Variants in NPTN observed in about 807,000 individuals in gnomAD.
NPTN encodes neuroplastin, also known as SDR-1.
NPTN carries 5 observed loss-of-function variants against 42.7 expected under a neutral mutation model. The observed-to-expected ratio is 0.12, with a 90% CI of 0.06 to 0.25. NPTN has a LOEUF of 0.25. Among genes scored for constraint, NPTN ranks in the 10% least tolerant of loss-of-function variants. The pLI, the probability that NPTN is intolerant of heterozygous loss-of-function variation, is 1.00. For missense variants in NPTN, 307 were observed against 525.4 expected (o/e 0.58, Z 4.06); for synonymous variants, 180 against 201.9 (o/e 0.89, Z 0.92).
At chr15:73,584,897 C>T (rs1896242253) in intron 4 of NPTN, among the ~76,000 whole-genome samples, 1 of 151,920 alleles carries the variant, frequency 6.6e-6, no homozygotes, top group African/African-American at 2.4e-5. Context: ...GGTTAAAAAA[C>T]ATGATCATCT....
intron 1 of NPTN, among the ~76,000 whole-genome samples, chr15:73,625,580 C>T (rs973806459): frequency 3.3e-5 from 5 of 152,106 alleles, no homozygotes; most frequent in Admixed American, 1.3e-4. Flanking sequence ...ATCCGCCCAC[C>T]GCAGCCTCCC....
intron 6 of NPTN, among the ~76,000 whole-genome samples, chr15:73,565,213 C>CA (rs1476516037): frequency 6.6e-6 from 1 of 152,176 alleles, no homozygotes; most frequent in Non-Finnish European, 1.5e-5. Context: ...CTCCCCAAAT[C>CA]CACTTTCACA....
At position 73,590,172 on chromosome 15, in the gene NPTN, G is replaced by A. The variant is rs186242779; in HGVS notation, c.611+1794C>T. Among the ~76,000 whole-genome samples the A allele has an allele frequency of 8.5e-5, 13 of 152,144 alleles. No homozygotes were observed. The East Asian group carries it at 1.2e-3, about 14-fold the overall frequency. ...GAAGAAATTAAAGCAAAGGGAAAACGTTCCCTACAGGCTGGGCAGAAGCAG... is the reference window on the plus strand; with the variant it reads ...GAAGAAATTAAAGCAAAGGGAAAACATTCCCTACAGGCTGGGCAGAAGCAG... On this transcript the variant is annotated intron_variant, in intron 3 of 8. Transcript: ENST00000345330.
chr15:73,565,948 A>G (rs1443240295), intron 6 of NPTN, among the ~76,000 whole-genome samples: 1 of 152,224 alleles, frequency 6.6e-6, no homozygotes, highest in Non-Finnish European at 1.5e-5. Flanking sequence ...TTAAAGTCCG[A>G]ATAATGAAGA....
intron 4 of NPTN, among the ~76,000 whole-genome samples, chr15:73,576,717 G>A (rs908892010): frequency 6.6e-6 from 1 of 152,152 alleles, no homozygotes; most frequent in Non-Finnish European, 1.5e-5. Context: ...AAGTATTTGA[G>A]GGTACAAACC....
At position 73,570,266 on chromosome 15, in the gene NPTN, A is replaced by C; in HGVS notation, c.998T>G (p.Val333Gly). 2.5e-6 allele frequency: 4 copies of C among 1,614,222 alleles called. No individual in the cohort carries two copies. Among genetic ancestry groups the C allele is most frequent in the Non-Finnish European group, 3.4e-6 (4 of 1,180,036 alleles). Residue 333 changes from valine to glycine, a missense_variant, in exon 6 of 9, where the codon GTG becomes GGG. Val to Gly is a moderately radical substitution (Grantham distance 109). Coordinates refer to ENST00000345330, the MANE Select transcript of NPTN (RefSeq NM_012428.4). The surrounding 1 kb of genome is among the most constrained non-coding windows in gnomAD (Gnocchi z 4.0). ...CCAGAGTGGGGCCAGGTGGCTCCGCACCCTGAGGACAGTGACAACAGAGGC... is the reference window on the plus strand; with the variant it reads ...CCAGAGTGGGGCCAGGTGGCTCCGCCCCCTGAGGACAGTGACAACAGAGGC... ...GSASVVTVLR[V>G]RSHLAPLWPF...
chr15:73,573,983 C>G (rs977752963), intron 4 of NPTN, among the ~76,000 whole-genome samples, 188 bp from the exon 5 acceptor site: 1 of 152,232 alleles, frequency 6.6e-6, no homozygotes, highest in Non-Finnish European at 1.5e-5. Flanking sequence ...CTCTACCCCC[C>G]ACCCGCTAAA....
At position 73,622,061 on chromosome 15, in the gene NPTN, G is replaced by A. The variant is rs369885041; in HGVS notation, c.91+11064C>T. Among the ~76,000 whole-genome samples, 4 of 152,210 alleles carry A rather than the reference G, an allele frequency of 2.6e-5. No homozygotes were observed. In the East Asian group the frequency reaches 7.7e-4, roughly 29 times the overall value. On this transcript the variant is annotated intron_variant, in intron 1 of 8. Transcript: ENST00000345330. ...CATCCCATAGGAGACTGAGGCAGGA[G>A]AATCACTCGAACCCGGGAGATGGAG...
At chr15:73,621,083 A>C (rs1898118271) in intron 1 of NPTN, among the ~76,000 whole-genome samples, 1 of 152,198 alleles carries the variant, frequency 6.6e-6, no homozygotes, top group South Asian at 2.1e-4. Flanking sequence ...AATTTGCTAT[A>C]AAAAGTTAAC....
intron 1 of NPTN, chr15:73,599,643 A>AGG: frequency 2.8e-5 from 4 of 142,890 alleles, no homozygotes; most frequent in Non-Finnish European, 4.5e-5. Context: ...GAAAGAAAGA[A>AGG]AAGGAAGGGA....
chr15:73,592,218 A>C, intron 2 of NPTN, 81 bp from the exon 3 acceptor site: 1 of 1,230,360 alleles, frequency 8.1e-7, no homozygotes, highest in South Asian at 1.7e-5. Context: ...ACGGGGTAGG[A>C]GGGGGAAACT....
chr15:73,576,124 C>T (rs1455435972), intron 4 of NPTN, among the ~76,000 whole-genome samples: 1 of 152,146 alleles, frequency 6.6e-6, no homozygotes, highest in Non-Finnish European at 1.5e-5. Flanking sequence ...CATAGCCACA[C>T]AGGACCCAGC....
chr15:73,600,472 C>T (rs1457539765), intron 1 of NPTN, among the ~76,000 whole-genome samples: 1 of 152,042 alleles, frequency 6.6e-6, no homozygotes, highest in Non-Finnish European at 1.5e-5. Context: ...ATGATAAGTG[C>T]CATTATAATT....
At chr15:73,611,243 T>G (rs375366372) in intron 1 of NPTN, among the ~76,000 whole-genome samples, 2 of 152,318 alleles carry the variant, frequency 1.3e-5, no homozygotes, top group African/African-American at 4.8e-5. Flanking sequence ...TTCACTCCCA[T>G]TAAATGGGAA....
intron 1 of NPTN, among the ~76,000 whole-genome samples, chr15:73,616,677 G>A (rs1366749589): frequency 6.6e-6 from 1 of 151,970 alleles, no homozygotes; most frequent in Non-Finnish European, 1.5e-5. Context: ...GTATTACCTC[G>A]TAACTACATG....
chr15:73,587,719 A>T, intron 3 of NPTN, 101 bp from the exon 4 acceptor site: 1 of 825,628 alleles, frequency 1.2e-6, no homozygotes, highest in East Asian at 2.6e-5. Flanking sequence ...TGCTCTCCGA[A>T]CCCTTAATGC....
chr15:73,617,384 AAAT>A (rs1292382348), intron 1 of NPTN, among the ~76,000 whole-genome samples: 93 of 152,362 alleles, frequency 6.1e-4, no homozygotes, highest in African/African-American at 2.2e-3. Context: ...AAGCTGAATG[AAAT>A]AATTCAGTAT....
At chr15:73,574,487 C>T (rs1895579110) in intron 4 of NPTN, among the ~76,000 whole-genome samples, 1 of 152,144 alleles carries the variant, frequency 6.6e-6, no homozygotes, top group East Asian at 1.9e-4. Context: ...GTGGCATGAT[C>T]GCTGCTCACT....
At chr15:73,600,836 A>G (rs1384232800) in intron 1 of NPTN, among the ~76,000 whole-genome samples, 4 of 152,184 alleles carry the variant, frequency 2.6e-5, no homozygotes, top group African/African-American at 9.7e-5. Flanking sequence ...AAGAGTTCTT[A>G]AAGCAACTGG....
Sources: gnomAD v4.1 joint callset for allele counts (sites outside exome capture counted in the v4.1 genomes callset) on GRCh38, gnomAD v4.1.1 for gene constraint, Gnocchi (gnomAD v3.1) non-coding constraint, MANE v1.5 for transcripts, NCBI Gene and HGNC (gene_info 2026-07-23, HGNC 2026-07-21) for gene names.